The following MAPT variants were observed in gnomAD, a reference collection of about 807,000 sequenced individuals.
MAPT encodes the protein microtubule-associated protein tau.
In MAPT, 34 loss-of-function variants were observed where a neutral mutation model predicts 67.9. That is an observed-to-expected ratio of 0.50 (90% CI 0.38 to 0.67). MAPT has a LOEUF of 0.67. Ranked by LOEUF, MAPT falls within the 30% of genes least tolerant of loss-of-function variation. MAPT has a pLI of 0.00. For missense variants in MAPT, 881 were observed against 1,115.2 expected (o/e 0.79, Z 2.99); for synonymous variants, 456 against 464.5 (o/e 0.98, Z 0.23).
intron 1 of MAPT, among the ~76,000 whole-genome samples, chr17:45,905,011 C>G (rs757882020): frequency 2.6e-5 from 4 of 152,136 alleles, no homozygotes; most frequent in Non-Finnish European, 5.9e-5. Context: ...TTGGAAGAGT[C>G]ATCAGCCCTC....
chr17:45,996,812 T>G lies in MAPT; in HGVS notation c.1998+148T>G. ...ATGGAGGTGTGGGGCTCCCCGCACC[T>G]GAGCACCCCCGCATAACACCCCAGT... On this transcript the variant is annotated intron_variant, in intron 9 of 12. Transcript: ENST00000262410. The surrounding 1 kb of genome is among the most constrained non-coding windows in gnomAD (Gnocchi z 4.5). The G allele has an allele frequency of 8.9e-7, 1 of 1,126,018 alleles. No homozygotes were observed. The allele number at this position is 1,126,018 out of a possible 1,614,324, so 69.8% of individuals were successfully genotyped here.
At chr17:45,952,725 C>T (rs2069209435) in intron 1 of MAPT, among the ~76,000 whole-genome samples, 1 of 152,090 alleles carries the variant, frequency 6.6e-6, no homozygotes, top group Admixed American at 6.5e-5. Context: ...AGAAGGGAGC[C>T]CTGGGGTCAC....
In MAPT at chr17:45,920,612, C is replaced by T. The variant is rs543266846; in HGVS notation, c.-18+25926C>T. 4.2e-4 allele frequency among the ~76,000 whole-genome samples: 64 copies of T among 152,352 alleles called. No homozygotes were observed. In the East Asian group the frequency reaches 0.012, roughly 29 times the overall value. ...TGGCTCAGCACTGCCCCTTGACCCT[C>T]CCTGGCCTTCTGCGGATGCCAGACT... On this transcript the variant is annotated intron_variant, in intron 1 of 12. Coordinates refer to ENST00000262410, the MANE Select transcript of MAPT (RefSeq NM_001377265.1).
intron 7 of MAPT, 70 bp downstream of exon 7, chr17:45,990,145 T>G: frequency 7.0e-7 from 1 of 1,420,850 alleles, no homozygotes. Flanking sequence ...TTTGTTTATT[T>G]GTTTTTTAGC....
chr17:45,973,134 C>G (rs1165948832), intron 3 of MAPT: 1 of 152,192 alleles, frequency 6.6e-6, no homozygotes. Context: ...CCCCAAGCAT[C>G]CACCTTTGGA....
intron 9 of MAPT, chr17:45,999,165 C>T: frequency 1.4e-6 from 2 of 1,455,154 alleles, no homozygotes; most frequent in East Asian, 4.8e-5. Flanking sequence ...CCCTTAAATC[C>T]AAGTTCAGTT....
At chr17:45,985,222 T>G (rs1165533899) in intron 5 of MAPT, among the ~76,000 whole-genome samples, 1 of 152,064 alleles carries the variant, frequency 6.6e-6, no homozygotes, top group Non-Finnish European at 1.5e-5. Context: ...GGATAAGTGC[T>G]TGAACCCAGG....
rs1326811356 is a variant in MAPT at position 45,971,008 on chromosome 17, C to T, written c.134-851C>T. Among the ~76,000 whole-genome samples the T allele has an allele frequency of 6.6e-6, 1 of 152,204 alleles. No individual in the cohort carries two copies. Among genetic ancestry groups the T allele is most frequent in the Non-Finnish European group, 1.5e-5 (1 of 68,030 alleles). On this transcript the variant is annotated intron_variant, in intron 2 of 12. Transcript: ENST00000262410. The surrounding 1 kb of genome is among the most constrained non-coding windows in gnomAD (Gnocchi z 4.3). ...ATTCTCAACCTTCCAGAGTGTAAGG[C>T]CTTGACCTGCTCAGCCCTGGATACT...
intron 1 of MAPT, among the ~76,000 whole-genome samples, chr17:45,928,765 G>A (rs541188407): frequency 1.3e-5 from 2 of 152,070 alleles, no homozygotes; most frequent in African/African-American, 2.4e-5. Flanking sequence ...GCGCGATCTT[G>A]GCTCACTGCA....
intron 6 of MAPT, 38 bp downstream of exon 6, chr17:45,987,133 A>G (rs996431457): frequency 6.3e-7 from 1 of 1,595,320 alleles, no homozygotes; most frequent in Admixed American, 1.7e-5. Context: ...CAGCTGGTCA[A>G]GTTTACAGAG....
chr17:46,001,450 TAA>T (rs72322876), intron 9 of MAPT, among the ~76,000 whole-genome samples: 2 of 148,406 alleles, frequency 1.3e-5, no homozygotes, highest in African/African-American at 4.9e-5. Flanking sequence ...ACTCCTAACT[TAA>T]AAAAAAAAAT....
At chr17:45,978,525 A>T in intron 4 of MAPT, 85 bp downstream of exon 4, 2 of 1,098,926 alleles carry the variant, frequency 1.8e-6, no homozygotes, top group Non-Finnish European at 2.7e-6. Context: ...GATCATTTGG[A>T]CCTGAGCTCT....
At chr17:45,930,287 G>A (rs901183629) in intron 1 of MAPT, among the ~76,000 whole-genome samples, 4 of 151,814 alleles carry the variant, frequency 2.6e-5, no homozygotes, top group Non-Finnish European at 4.4e-5. Flanking sequence ...TGCACCTGTG[G>A]TACCAGCTAC....
intron 1 of MAPT, among the ~76,000 whole-genome samples, chr17:45,904,488 G>A (rs955466930): frequency 5.6e-5 from 8 of 143,330 alleles, no homozygotes; most frequent in African/African-American, 2.1e-4. Context: ...AGGAGTCTGA[G>A]ACTAGCCTGG....
intron 3 of MAPT, chr17:45,973,833 G>C (rs1305856554): frequency 1.3e-5 from 2 of 157,178 alleles, no homozygotes; most frequent in African/African-American, 2.4e-5. Context: ...TGCCATGCAA[G>C]GGACTCTGCA....
chr17:45,974,169 G>A (rs1348290168), intron 3 of MAPT: 1 of 592,510 alleles, frequency 1.7e-6, no homozygotes, highest in African/African-American at 1.9e-5. Context: ...GATGAGCTGG[G>A]CGGTTCATGA....
At chr17:45,898,021 T>C (rs2063379356) in intron 1 of MAPT, 1 of 134,474 alleles carries the variant, frequency 7.4e-6, no homozygotes, top group African/African-American at 2.5e-5. Flanking sequence ...TTATATTTAC[T>C]GTATAAGCAT....
intron 9 of MAPT, among the ~76,000 whole-genome samples, chr17:46,007,650 C>A (rs1206666393): frequency 1.3e-5 from 2 of 151,402 alleles, no homozygotes; most frequent in Admixed American, 6.6e-5. Flanking sequence ...TTATTTTGGT[C>A]AAAAAAAATA....
At chr17:45,997,780 A>C (rs1425281148) in intron 9 of MAPT, among the ~76,000 whole-genome samples, 2 of 151,800 alleles carry the variant, frequency 1.3e-5, no homozygotes, top group Non-Finnish European at 2.9e-5. Flanking sequence ...AAAACAAACC[A>C]AAAAAACCCA....
Sources: gnomAD v4.1 joint callset for allele counts (sites outside exome capture counted in the v4.1 genomes callset) on GRCh38, gnomAD v4.1.1 for gene constraint, Gnocchi (gnomAD v3.1) non-coding constraint, MANE v1.5 for transcripts, NCBI Gene and HGNC (gene_info 2026-07-23, HGNC 2026-07-21) for gene names.